The following STS variants were observed in gnomAD, a reference collection of about 807,000 sequenced individuals.
STS encodes the protein steryl-sulfatase.
In STS, 7 loss-of-function variants were observed where a neutral mutation model predicts 26.8. The ratio of observed to expected loss-of-function variants is 0.26; its 90% CI spans 0.15 to 0.49. The LOEUF is 0.49. STS is among the 20% of genes least tolerant of loss of function. STS has a pLI of 0.98. For missense variants in STS, 434 were observed against 465.6 expected (o/e 0.93, Z 0.63); for synonymous variants, 199 against 189.4 (o/e 1.05, Z -0.42).
chrX:7,232,000 T>C (rs1259168550), intron 2 of STS, among the ~76,000 whole-genome samples: 1 of 111,885 alleles, frequency 8.9e-6, no homozygotes, highest in African/African-American at 3.2e-5. Context: ...GTAAACATTT[T>C]CAACTGGCCA....
chrX:7,156,358 G>A (rs1370303096), intron 1 of STS, among the ~76,000 whole-genome samples: 3 of 110,416 alleles, frequency 2.7e-5, no homozygotes, highest in Admixed American at 2.0e-4. Flanking sequence ...ATATATGTGT[G>A]TATATATATT....
At chrX:7,171,313 G>C (rs1165432682) in intron 1 of STS, among the ~76,000 whole-genome samples, 4 of 111,000 alleles carry the variant, frequency 3.6e-5, no homozygotes, top group African/African-American at 9.8e-5. Context: ...TGAGGACTCA[G>C]CGTTTTCCAG....
chrX:7,255,696 T>C (rs1283174557), intron 3 of STS, among the ~76,000 whole-genome samples: 1 of 112,307 alleles, frequency 8.9e-6, no homozygotes, highest in Non-Finnish European at 1.9e-5. Flanking sequence ...TAGGCCACTA[T>C]AGACACTAGG....
Position 7,257,383 on chromosome X carries a change from G to C in STS, c.259+20G>C. ...GATCAGGTAACCTCCTATCTGCATC[G>C]CAGGGGCTGTGGTCACCTTCGGGAC... On this transcript the variant is annotated intron_variant, in intron 4 of 10. Coordinates refer to ENST00000674429, the MANE Select transcript of STS (RefSeq NM_001320752.2). 8.3e-7 allele frequency: 1 copy of C among 1,211,843 alleles called. No homozygotes were observed. The highest frequency in any genetic ancestry group is 1.1e-6 in the Non-Finnish European group (1 of 895,408).
rs183539530 is a variant in STS, at chrX:7,152,241, C to A, written c.-134+4158C>A. 2.2e-3 allele frequency among the ~76,000 whole-genome samples: 251 copies of A among 112,154 alleles called. 9 individuals are homozygous for A. The East Asian group carries it at 0.063, about 28-fold the overall frequency. On this transcript the variant is annotated intron_variant, in intron 1 of 10. Coordinates refer to ENST00000674429, the MANE Select transcript of STS (RefSeq NM_001320752.2). ...TGCTGGGATTACAGGCGTGAGCCAC[C>A]ACGCCCGGCCAGGATTATTATTTTA...
In STS at chrX:7,251,665, A is replaced by T. The variant is rs185145641; in HGVS notation, c.-4-1531A>T. Among the ~76,000 whole-genome samples the T allele has an allele frequency of 6.8e-4, 76 of 112,086 alleles. 1 individual carries two copies. The highest frequency in any genetic ancestry group is 4.6e-3 in the Middle Eastern group (1 of 218). Reference sequence around the variant, plus strand: ...ACCCCCTAAATCTATAAACATTTTTAAAAATTAAAAGTAAATAAAATTGGT... The same window carrying T: ...ACCCCCTAAATCTATAAACATTTTTTAAAATTAAAAGTAAATAAAATTGGT... On this transcript the variant is annotated intron_variant, in intron 2 of 10. Transcript: ENST00000674429.
intron 7 of STS, among the ~76,000 whole-genome samples, chrX:7,294,124 T>C (rs1380653095): frequency 4.5e-5 from 5 of 111,440 alleles, no homozygotes; most frequent in African/African-American, 9.8e-5. Flanking sequence ...AGCTTATAAA[T>C]CATTAATCTC....
chrX:7,270,581 A>G (rs1924220762), intron 6 of STS, among the ~76,000 whole-genome samples: 1 of 112,149 alleles, frequency 8.9e-6, no homozygotes, highest in Non-Finnish European at 1.9e-5. Flanking sequence ...TTGTATGTCA[A>G]ACCTAATCAA....
At chrX:7,240,161 C>A (rs769576404) in intron 2 of STS, among the ~76,000 whole-genome samples, 1 of 109,624 alleles carries the variant, frequency 9.1e-6, no homozygotes, top group African/African-American at 3.3e-5. Context: ...TGTGAGCCAC[C>A]CTGACCAGCC....
intron 10 of STS, among the ~76,000 whole-genome samples, chrX:7,340,814 A>G (rs1484496124): frequency 1.8e-5 from 2 of 111,886 alleles, no homozygotes; most frequent in Non-Finnish European, 3.8e-5. Context: ...CTTCATCTTC[A>G]TGGTGAATGA....
chrX:7,220,622 C>T (rs1247211000), intron 2 of STS, among the ~76,000 whole-genome samples: 1 of 100,614 alleles, frequency 9.9e-6, no homozygotes, highest in Non-Finnish European at 2.0e-5. Context: ...GATCTCGGCT[C>T]ACTGCAAGCT....
chrX:7,306,110 T>A (rs761053032), intron 8 of STS, among the ~76,000 whole-genome samples: 7 of 111,710 alleles, frequency 6.3e-5, no homozygotes, highest in Non-Finnish European at 1.1e-4. Flanking sequence ...GCTACTGGCT[T>A]GTATAGTGTA....
intron 2 of STS, among the ~76,000 whole-genome samples, chrX:7,202,411 T>A (rs1281709950): frequency 9.0e-6 from 1 of 111,324 alleles, no homozygotes; most frequent in Non-Finnish European, 1.9e-5. Flanking sequence ...ATTTAAGTAT[T>A]ATTAATTTTA....
chrX:7,233,621 A>G (rs1468652268), intron 2 of STS, among the ~76,000 whole-genome samples: 1 of 111,636 alleles, frequency 9.0e-6, no homozygotes, highest in Non-Finnish European at 1.9e-5. Context: ...TTTATAGATA[A>G]TCACAGCTGT....
chrX:7,261,076 A>G (rs915303023), intron 6 of STS, among the ~76,000 whole-genome samples: 1 of 111,574 alleles, frequency 9.0e-6, no homozygotes, highest in African/African-American at 3.3e-5. Context: ...TATTATATAG[A>G]GGCTATGTCA....
At chrX:7,263,824 T>A (rs1923872096) in intron 6 of STS, among the ~76,000 whole-genome samples, 1 of 89,261 alleles carries the variant, frequency 1.1e-5, no homozygotes, top group Non-Finnish European at 2.4e-5. Flanking sequence ...TGTTTGTGTA[T>A]ATATATGTGT....
chrX:7,154,266 A>G (rs1384802031), intron 1 of STS, among the ~76,000 whole-genome samples: 1 of 112,325 alleles, frequency 8.9e-6, no homozygotes, highest in Non-Finnish European at 1.9e-5. Context: ...CTGCTTCTGA[A>G]TAAACCACAT....
intron 2 of STS, among the ~76,000 whole-genome samples, chrX:7,211,754 C>T (rs1370591368): frequency 2.7e-5 from 3 of 112,205 alleles, no homozygotes. Flanking sequence ...ATCAAAGTCT[C>T]TACTGGTGGG....
intron 8 of STS, among the ~76,000 whole-genome samples, chrX:7,314,481 A>AT (rs1926623050): frequency 8.9e-6 from 1 of 112,543 alleles, no homozygotes; most frequent in African/African-American, 3.2e-5. Flanking sequence ...ATGGGTTAAC[A>AT]TTAGTGAACA....
Sources: gnomAD v4.1 joint callset for allele counts (sites outside exome capture counted in the v4.1 genomes callset) on GRCh38, gnomAD v4.1.1 for gene constraint, MANE v1.5 for transcripts, NCBI Gene and HGNC (gene_info 2026-07-23, HGNC 2026-07-21) for gene names.